Variants in IKZF1 observed in about 807,000 individuals in gnomAD.
IKZF1 encodes the protein IKAROS family zinc finger 1, also known as DNA-binding protein Ikaros.
A neutral mutation model predicts 51.7 loss-of-function variants in IKZF1; 10 were observed. That is an observed-to-expected ratio of 0.19 (90% CI 0.12 to 0.33). IKZF1 has a LOEUF of 0.33. Ranked by LOEUF, IKZF1 falls within the 10% of genes least tolerant of loss-of-function variation. IKZF1 has a pLI of 1.00. For synonymous variants in IKZF1, 280 were observed against 282.3 expected (o/e 0.99, Z 0.08); for missense variants, 484 against 707.5 (o/e 0.68, Z 3.58).
At chr7:50,392,175 C>T (rs1403232002) in intron 7 of IKZF1, among the ~76,000 whole-genome samples, 2 of 152,184 alleles carry the variant, frequency 1.3e-5, no homozygotes, top group African/African-American at 4.8e-5. Context: ...GGGCCTGGCT[C>T]GTCCGGGGGA....
chr7:50,307,286 T>A (rs1402656033), intron 1 of IKZF1, among the ~76,000 whole-genome samples: 1 of 152,216 alleles, frequency 6.6e-6, no homozygotes, highest in Non-Finnish European at 1.5e-5. Flanking sequence ...CTCTAATCTT[T>A]GGACTTGTGA....
chr7:50,359,227 C>T (rs1280487283), intron 3 of IKZF1, among the ~76,000 whole-genome samples: 1 of 152,146 alleles, frequency 6.6e-6, no homozygotes, highest in Non-Finnish European at 1.5e-5. Flanking sequence ...AGCCACTGCA[C>T]TACAGCCTGG....
At chr7:50,354,567 G>A (rs770338373) in intron 3 of IKZF1, among the ~76,000 whole-genome samples, 4 of 152,336 alleles carry the variant, frequency 2.6e-5, no homozygotes, top group East Asian at 1.9e-4. Flanking sequence ...TCTTTGTACT[G>A]TACGTTTTTG....
intron 3 of IKZF1, among the ~76,000 whole-genome samples, chr7:50,364,286 T>A (rs1206608310): frequency 6.6e-6 from 1 of 152,236 alleles, no homozygotes; most frequent in Non-Finnish European, 1.5e-5. Flanking sequence ...TTTCCCATAA[T>A]GTTCATCAAT....
intron 3 of IKZF1, among the ~76,000 whole-genome samples, chr7:50,337,224 G>A (rs1427705725): frequency 1.3e-5 from 2 of 152,108 alleles, no homozygotes; most frequent in African/African-American, 2.4e-5. Flanking sequence ...ACAGGACTAG[G>A]GGATGGTATT....
At chr7:50,361,191 A>G (rs1207437249) in intron 3 of IKZF1, among the ~76,000 whole-genome samples, 1 of 152,068 alleles carries the variant, frequency 6.6e-6, no homozygotes, top group African/African-American at 2.4e-5. Flanking sequence ...TTCTCCTTTT[A>G]AAGCATGAAC....
upstream of IKZF1, chr7:50,304,443 G>A (rs1788275731): frequency 6.7e-6 from 1 of 149,226 alleles, no homozygotes; most frequent in Non-Finnish European, 1.5e-5. Context: ...GGGGTGGCAG[G>A]GCGCGCGCTC....
intron 7 of IKZF1, among the ~76,000 whole-genome samples, chr7:50,397,423 T>C (rs539470054): frequency 6.6e-6 from 1 of 152,206 alleles, no homozygotes; most frequent in Non-Finnish European, 1.5e-5. Context: ...ATTTTTTTCC[T>C]ACACCCATTT....
At chr7:50,346,570 T>C (rs934833791) in intron 3 of IKZF1, among the ~76,000 whole-genome samples, 1 of 152,238 alleles carries the variant, frequency 6.6e-6, no homozygotes, top group African/African-American at 2.4e-5. Context: ...CTTGCTGGTC[T>C]CACTCTTCCC....
intron 3 of IKZF1, among the ~76,000 whole-genome samples, chr7:50,351,334 T>C (rs1768374746): frequency 6.6e-6 from 1 of 152,220 alleles, no homozygotes; most frequent in Non-Finnish European, 1.5e-5. Context: ...TTTGCATGAT[T>C]ACACCTTAAG....
chr7:50,346,991 G>A (rs1443236911), intron 3 of IKZF1, among the ~76,000 whole-genome samples: 3 of 152,164 alleles, frequency 2.0e-5, no homozygotes, highest in African/African-American at 7.2e-5. Context: ...TCATGAGTCA[G>A]TTTCTCAGGA....
chr7:50,321,829 G>A (rs1244265989), intron 2 of IKZF1, among the ~76,000 whole-genome samples: 1 of 152,058 alleles, frequency 6.6e-6, no homozygotes, highest in Non-Finnish European at 1.5e-5. Context: ...AATTTGTTCT[G>A]CACCCTGACT....
At chr7:50,394,054 T>C (rs923400243) in intron 7 of IKZF1, 29 of 232,160 alleles carry the variant, frequency 1.2e-4, no homozygotes, top group African/African-American at 6.4e-4. Flanking sequence ...AATGTGGGCG[T>C]TGGCTTGAGA....
At chr7:50,359,854 C>T (rs959898375) in intron 3 of IKZF1, among the ~76,000 whole-genome samples, 1 of 152,224 alleles carries the variant, frequency 6.6e-6, no homozygotes, top group Non-Finnish European at 1.5e-5. Context: ...GAGAAATCCA[C>T]TTTCTGGGAG....
In IKZF1 at chr7:50,401,289, T is replaced by C. The variant is rs1407113833; in HGVS notation, c.*662T>C. On this transcript the variant is annotated 3_prime_UTR_variant, in exon 8 of 8. Coordinates refer to ENST00000331340, the MANE Select transcript of IKZF1 (RefSeq NM_006060.6). ...GTCGTGTCTGTCAGACTGCCCTGGG[T>C]GGAGGGAGACGCCGGGCTAGAGCCT... 4.3e-6 allele frequency: 1 copy of C among 230,994 alleles called. No homozygotes were observed. Among genetic ancestry groups the C allele is most frequent in the African/African-American group, 2.2e-5 (1 of 45,166 alleles). 14.3% of individuals were successfully genotyped at this position (230,994 alleles called of 1,614,324 possible). A position where few individuals can be genotyped will look rare whatever the true frequency, so the allele number is the denominator to read the frequency against.
chr7:50,364,916 A>G (rs1214624824), intron 3 of IKZF1, among the ~76,000 whole-genome samples: 3 of 152,124 alleles, frequency 2.0e-5, no homozygotes, highest in Non-Finnish European at 4.4e-5. Context: ...GTCGCACTTG[A>G]CCAGTCATTG....
intron 1 of IKZF1, among the ~76,000 whole-genome samples, chr7:50,312,833 T>G (rs564273868): frequency 2.6e-5 from 4 of 152,228 alleles, no homozygotes; most frequent in Non-Finnish European, 5.9e-5. Context: ...TTTCTGTGGC[T>G]CAGTTAAATG....
chr7:50,346,915 A>G (rs574946593), intron 3 of IKZF1, among the ~76,000 whole-genome samples: 2 of 152,332 alleles, frequency 1.3e-5, no homozygotes, highest in East Asian at 3.9e-4. Flanking sequence ...AATGGGGCAC[A>G]TGTGCACATA....
In IKZF1 at chr7:50,329,895, G is replaced by C. The variant is rs567311806; in HGVS notation, c.160+2138G>C. On this transcript the variant is annotated intron_variant, in intron 3 of 7. Transcript: ENST00000331340. ...CCCTTAGAGGCTGTGAGCCATCGTG[G>C]CTAGGGCATCTTTAGAGAACTGAAA... is the stretch of plus-strand genomic sequence containing the variant. Among the ~76,000 whole-genome samples, 4 of 152,358 alleles carry C rather than the reference G, an allele frequency of 2.6e-5. No homozygotes were observed. The East Asian group carries it at 7.7e-4, about 29-fold the overall frequency.
Sources: allele counts gnomAD v4.1 joint callset (sites outside exome capture counted in the v4.1 genomes callset), GRCh38; gene constraint gnomAD v4.1.1; transcripts MANE v1.5; gene names NCBI Gene and HGNC (gene_info 2026-07-23, HGNC 2026-07-21).